DHX37: variants seen among roughly 807,000 people sequenced by gnomAD.
DHX37 encodes the protein probable ATP-dependent RNA helicase DHX37.
A neutral mutation model predicts 134.3 loss-of-function variants in DHX37; 52 were observed. The ratio of observed to expected loss-of-function variants is 0.39; its 90% CI spans 0.31 to 0.49. The LOEUF is 0.49. Among genes scored for constraint, DHX37 ranks in the 20% least tolerant of loss-of-function variants. The pLI, the probability that DHX37 is intolerant of heterozygous loss-of-function variation, is 0.93. For synonymous variants in DHX37, 634 were observed against 670.7 expected (o/e 0.95, Z 0.85); for missense variants, 1,344 against 1,580.8 (o/e 0.85, Z 2.54).
Position 124,956,895 on chromosome 12 carries a change from G to T in DHX37, c.2265-16C>A. On this transcript the variant is annotated splice_polypyrimidine_tract_variant and intron_variant, in intron 17 of 26. Coordinates refer to ENST00000308736, the MANE Select transcript of DHX37 (RefSeq NM_032656.4). Reference sequence around the variant, plus strand: ...TTGCTTCACCCTGGAGATGGAGGTGGTGGTGGCAGTGCTCTGAGAGGAGCT... The same window carrying T: ...TTGCTTCACCCTGGAGATGGAGGTGTTGGTGGCAGTGCTCTGAGAGGAGCT... The T allele has an allele frequency of 6.4e-7, 1 of 1,574,616 alleles. No homozygotes were observed. The highest frequency in any genetic ancestry group is 1.2e-5 in the South Asian group (1 of 86,560).
intron 21 of DHX37, among the ~76,000 whole-genome samples, chr12:124,951,108 C>A (rs151119598): frequency 2.0e-5 from 3 of 152,162 alleles, no homozygotes; most frequent in African/African-American, 7.2e-5. Context: ...GGTGAAACCC[C>A]ATTTCTACTA....
intron 8 of DHX37, 96 bp downstream of exon 8, chr12:124,971,206 G>A: frequency 1.3e-6 from 2 of 1,519,014 alleles, no homozygotes; most frequent in Admixed American, 2.0e-5. Flanking sequence ...AGCAGCCCAG[G>A]GTACAACGGG....
At chr12:124,954,817 C>T (rs1954059425) in intron 18 of DHX37, among the ~76,000 whole-genome samples, 1 of 152,228 alleles carries the variant, frequency 6.6e-6, no homozygotes, top group Non-Finnish European at 1.5e-5. Flanking sequence ...TAACACTTAA[C>T]ATATGTGTCA....
intron 21 of DHX37, 128 bp downstream of exon 21, chr12:124,952,270 C>T: frequency 1.1e-6 from 1 of 948,986 alleles, no homozygotes; most frequent in Non-Finnish European, 1.5e-6. Flanking sequence ...ACTGCAAGCC[C>T]CACTTGTTCC....
intron 5 of DHX37, among the ~76,000 whole-genome samples, chr12:124,976,075 G>A (rs544928935): frequency 5.9e-5 from 9 of 152,336 alleles, no homozygotes; most frequent in Non-Finnish European, 1.3e-4. Flanking sequence ...CAGGCAGGGT[G>A]GGCTTAGGCG....
In DHX37 at chr12:124,950,501, G is replaced by A. The variant is rs747670710; in HGVS notation, c.3033C>T (p.Tyr1011=). Residue 1011 remains tyrosine (Y), a synonymous_variant, in exon 23 of 27, where the codon TAC becomes TAT. Transcript: ENST00000308736. Reference sequence around the variant, plus strand: ...CCTCCAGGGGCTTGTCAAACTGGCAGTAAGAGGGCAGCAGGGCCGGGATCC... The same window carrying A: ...CCTCCAGGGGCTTGTCAAACTGGCAATAAGAGGGCAGCAGGGCCGGGATCC... The part of the protein sequence containing the change: ...VQWIPALLPS[Y]CQFDKPLEEP... The A allele has an allele frequency of 7.0e-6, 11 of 1,570,024 alleles. No individual in the cohort carries two copies. In the Admixed American group the frequency reaches 9.5e-5, roughly 14 times the overall value.
intron 6 of DHX37, among the ~76,000 whole-genome samples, chr12:124,974,029 C>T (rs536639196): frequency 2.0e-5 from 3 of 150,200 alleles, no homozygotes; most frequent in Non-Finnish European, 4.4e-5. Context: ...TCTCGGCTCA[C>T]TGCAAGCTCT....
intron 9 of DHX37, 32 bp from the exon 10 acceptor site, chr12:124,968,680 G>C (rs757807927): frequency 1.9e-6 from 3 of 1,613,596 alleles, no homozygotes; most frequent in East Asian, 2.2e-5. Flanking sequence ...ATGGGGAGTG[G>C]GGGGGACACG....
Position 124,964,550 on chromosome 12 carries a change from G to A in DHX37, c.1889C>T (p.Pro630Leu), listed in dbSNP as rs1049566606. 3.7e-6 allele frequency: 6 copies of A among 1,613,508 alleles called. No individual in the cohort carries two copies. The African/African-American group carries it at 6.7e-5, about 18-fold the overall frequency. ...TNVAETSLTI[P>L]GIKYVVDCGK... ...ACAGTCCACCACGTACTTGATGCCAGGGATGGTAAGCGACGTCTCGGCCAC... is the reference window on the plus strand; with the variant it reads ...ACAGTCCACCACGTACTTGATGCCAAGGATGGTAAGCGACGTCTCGGCCAC... Residue 630 changes from proline (P) to leucine (L), a missense_variant, in exon 15 of 27, where the codon CCT becomes CTT. Physicochemically the swap from Pro to Leu is moderately conservative, Grantham distance 98 (BLOSUM62 -3). Around this residue, in one of 7 missense-constraint regions of DHX37, gnomAD observed 39 missense variants for 87.9 expected, o/e 0.44. Coordinates refer to ENST00000308736, the MANE Select transcript of DHX37 (RefSeq NM_032656.4).
chr12:124,961,188 GCACA>G (rs144846639), intron 15 of DHX37, among the ~76,000 whole-genome samples: 1 of 103,650 alleles, frequency 9.6e-6, no homozygotes, highest in Non-Finnish European at 1.8e-5. Context: ...ATGCGCGCAC[GCACA>G]CACACACATA....
intron 5 of DHX37, among the ~76,000 whole-genome samples, chr12:124,976,241 C>T (rs1360049728): frequency 1.3e-5 from 2 of 152,230 alleles, no homozygotes; most frequent in East Asian, 3.9e-4. Context: ...TTCCCCAGAA[C>T]ACCCCAGGTA....
At chr12:124,976,407 A>T (rs1164514011) in intron 5 of DHX37, among the ~76,000 whole-genome samples, 1 of 152,240 alleles carries the variant, frequency 6.6e-6, no homozygotes, top group Non-Finnish European at 1.5e-5. Context: ...ATAGCAGGCT[A>T]CACAGTGAAA....
chr12:124,966,591 AG>A (rs1449606342), intron 12 of DHX37, among the ~76,000 whole-genome samples: 1 of 151,752 alleles, frequency 6.6e-6, no homozygotes, highest in Non-Finnish European at 1.5e-5. Context: ...CTCAAACTCT[AG>A]GCCTCAAGCG....
chr12:124,986,899 C>A (rs1386106531), intron 1 of DHX37, among the ~76,000 whole-genome samples: 1 of 150,354 alleles, frequency 6.7e-6, no homozygotes, highest in Non-Finnish European at 1.5e-5. Flanking sequence ...GCATGTACCA[C>A]CACGCCCCAG....
At chr12:124,966,380 C>G (rs1482037024) in intron 12 of DHX37, among the ~76,000 whole-genome samples, 2 of 152,042 alleles carry the variant, frequency 1.3e-5, no homozygotes, top group Admixed American at 1.3e-4. Context: ...TTTTCCATTT[C>G]TGAGACAGAG....
intron 12 of DHX37, 24 bp from the exon 13 acceptor site, chr12:124,965,836 C>T (rs1177184663): frequency 2.5e-6 from 4 of 1,607,726 alleles, no homozygotes; most frequent in Admixed American, 1.7e-5. Context: ...GACATAGACA[C>T]CTGGGCTGCA....
At chr12:124,981,935 C>G (rs1215689478) in intron 3 of DHX37, among the ~76,000 whole-genome samples, 1 of 151,638 alleles carries the variant, frequency 6.6e-6, no homozygotes, top group African/African-American at 2.4e-5. Context: ...ACCAGCCTGA[C>G]CAACATGGAG....
rs1006734126 is a variant in DHX37 at position 124,965,377 on chromosome 12, C to G, written c.1735+291G>C. Among the ~76,000 whole-genome samples the G allele has an allele frequency of 2.0e-4, 30 of 152,242 alleles. 1 individual carries two copies. Among genetic ancestry groups the G allele is most frequent in the Admixed American group, 2.0e-3 (30 of 15,292 alleles). On this transcript the variant is annotated intron_variant, in intron 13 of 26. Coordinates refer to ENST00000308736, the MANE Select transcript of DHX37 (RefSeq NM_032656.4). ...GCCCCACTCAGCCCCTGGCTGGGCA[C>G]AGCAGGGCACTGGGTCTGCCTGCAT...
chr12:124,980,756 A>G lies in DHX37; in HGVS notation c.472T>C (p.Ser158Pro). The G allele has an allele frequency of 2.6e-6, 4 of 1,557,164 alleles. No homozygotes were observed. The highest frequency in any genetic ancestry group is 3.5e-6 in the Non-Finnish European group (4 of 1,153,144). Residue 158 changes from serine (S) to proline (P), a missense_variant, in exon 4 of 27, where the codon TCA (serine) becomes CCA (proline). Ser to Pro is a moderately conservative substitution (Grantham distance 74, BLOSUM62 -1). Coordinates refer to ENST00000308736, the MANE Select transcript of DHX37 (RefSeq NM_032656.4). This position sits in a 1 kb window ranked among gnomAD's most constrained non-coding sequence, Gnocchi z 5.3. The stretch of plus-strand genomic sequence containing the variant: ...TCCTCCTCCTCCTCCTCCTCAGCTG[A>G]GGGCCAGCGGCGACGCTTCCGGTGG... ...GAHRKRRRWPSAEEEEEEEEE... is the reference protein window; with the variant it reads ...GAHRKRRRWPPAEEEEEEEEE...
Sources: allele counts gnomAD v4.1 joint callset (sites outside exome capture counted in the v4.1 genomes callset), GRCh38; gene constraint gnomAD v4.1.1; regional missense constraint gnomAD v4.1.1; non-coding constraint Gnocchi (gnomAD v3.1); transcripts MANE v1.5; gene names NCBI Gene and HGNC (gene_info 2026-07-23, HGNC 2026-07-21).